Variants in CTTNBP2 observed in about 807,000 individuals in gnomAD.
The protein encoded by CTTNBP2 is cortactin-binding protein 2.
In CTTNBP2, 108 loss-of-function variants were observed where a neutral mutation model predicts 156.9. The ratio of observed to expected loss-of-function variants is 0.69; its 90% CI spans 0.59 to 0.81. The LOEUF (loss-of-function observed/expected upper bound fraction) is 0.81, where lower values mean the gene tolerates loss of function less well. CTTNBP2 is among the 30% of genes least tolerant of loss of function. The probability of loss-of-function intolerance (pLI) is 0.00; values close to 1 mark genes in which losing one functional copy is unlikely to be tolerated. For synonymous variants in CTTNBP2, 767 were observed against 751.8 expected (o/e 1.02, Z -0.33); for missense variants, 1,924 against 2,035.4 (o/e 0.95, Z 1.05).
At chr7:117,794,500 T>C (rs531224632) in intron 3 of CTTNBP2, among the ~76,000 whole-genome samples, 89 of 152,328 alleles carry the variant, frequency 5.8e-4, no homozygotes, top group South Asian at 8.3e-4. Flanking sequence ...CAAATTTTTG[T>C]CATCAATAAC....
At chr7:117,851,267 G>A (rs925107080) in intron 2 of CTTNBP2, among the ~76,000 whole-genome samples, 1 of 151,634 alleles carries the variant, frequency 6.6e-6, no homozygotes, top group Non-Finnish European at 1.5e-5. Context: ...GAAAATAGAG[G>A]GAAAAAAAGA....
intron 3 of CTTNBP2, among the ~76,000 whole-genome samples, chr7:117,802,369 A>G (rs1799668832): frequency 6.6e-6 from 1 of 151,364 alleles, no homozygotes; most frequent in Non-Finnish European, 1.5e-5. Context: ...ATATTTAAAC[A>G]TAACATCTCA....
chr7:117,804,698 C>T (rs1799829292), intron 3 of CTTNBP2, among the ~76,000 whole-genome samples: 1 of 152,178 alleles, frequency 6.6e-6, no homozygotes, highest in African/African-American at 2.4e-5. Flanking sequence ...CATGTTCTCA[C>T]TTATAAGTGG....
chr7:117,851,427 CA>C (rs1004131923), intron 2 of CTTNBP2, among the ~76,000 whole-genome samples: 1 of 152,148 alleles, frequency 6.6e-6, no homozygotes, highest in Non-Finnish European at 1.5e-5. Flanking sequence ...AGCCATCACC[CA>C]GAATTCAGAG....
Position 117,718,134 on chromosome 7 carries a change from A to G in CTTNBP2, c.4645-15T>C. 6.4e-7 allele frequency: 1 copy of G among 1,550,460 alleles called. No individual in the cohort carries two copies. On this transcript the variant is annotated splice_polypyrimidine_tract_variant and intron_variant, in intron 21 of 22. Coordinates refer to ENST00000160373, the MANE Select transcript of CTTNBP2 (RefSeq NM_033427.3). Reference sequence around the variant, plus strand: ...GAATCAGCAATCTAGAAAATACAGAATTTGCCCGGTCATGTCTCCACAGTC... The same window carrying G: ...GAATCAGCAATCTAGAAAATACAGAGTTTGCCCGGTCATGTCTCCACAGTC...
intron 2 of CTTNBP2, among the ~76,000 whole-genome samples, chr7:117,830,818 A>T (rs187181306): frequency 6.6e-6 from 1 of 152,316 alleles, no homozygotes; most frequent in East Asian, 1.9e-4. Context: ...TGGCTGAATT[A>T]ATTGAGGAAG....
intron 3 of CTTNBP2, among the ~76,000 whole-genome samples, chr7:117,801,554 T>C (rs746020049): frequency 6.6e-6 from 1 of 152,188 alleles, no homozygotes; most frequent in Non-Finnish European, 1.5e-5. Context: ...GAAATGAATA[T>C]GTGGATTAGA....
intron 9 of CTTNBP2, among the ~76,000 whole-genome samples, chr7:117,764,740 G>T (rs1359772021): frequency 6.6e-6 from 1 of 152,026 alleles, no homozygotes; most frequent in Admixed American, 6.6e-5. Flanking sequence ...TTTCCTAATA[G>T]ATTTCCATTT....
At chr7:117,762,941 A>G (rs1333177348) in intron 9 of CTTNBP2, among the ~76,000 whole-genome samples, 3 of 152,162 alleles carry the variant, frequency 2.0e-5, no homozygotes, top group African/African-American at 7.2e-5. Context: ...CTCGTGCTAA[A>G]GCTTCTTGAA....
chr7:117,756,602 A>T lies in CTTNBP2; in HGVS notation c.3301T>A (p.Tyr1101Asn). 1 of 1,613,712 alleles carries T rather than the reference A, an allele frequency of 6.2e-7. No individual in the cohort carries two copies. Among genetic ancestry groups the T allele is most frequent in the South Asian group, 1.1e-5 (1 of 91,072 alleles). The change falls in exon 12 of 23, where the codon TAT becomes AAT. Residue 1101 changes from tyrosine (Y) to asparagine (N), a missense_variant. Physicochemically the swap from Tyr to Asn is moderately radical, Grantham distance 143. Transcript: ENST00000160373. Reference sequence around the variant, plus strand: ...ATCTGGAGAGGGATCATGGAGGCATAAGTCACACTACTGAGACAGCCTTCT... The same window carrying T: ...ATCTGGAGAGGGATCATGGAGGCATTAGTCACACTACTGAGACAGCCTTCT... ...PQEGCLSSVTYASMIPLQMMQ... is the reference protein window; with the variant it reads ...PQEGCLSSVTNASMIPLQMMQ...
In CTTNBP2 at chr7:117,710,805, C is replaced by T. The variant is rs1330101070; in HGVS notation, c.*732G>A. On this transcript the variant is annotated 3_prime_UTR_variant, in exon 23 of 23. Coordinates refer to ENST00000160373, the MANE Select transcript of CTTNBP2 (RefSeq NM_033427.3). The stretch of plus-strand genomic sequence containing the variant: ...TGAAGGAGTTAATTCTGAATTTATT[C>T]ATTTATGCAGTTATCTATATCCACT... 1.3e-5 allele frequency: 2 copies of T among 152,468 alleles called. No individual in the cohort carries two copies. The highest frequency in any genetic ancestry group is 2.9e-5 in the Non-Finnish European group (2 of 67,970). 9.4% of individuals were successfully genotyped at this position (152,468 alleles called of 1,614,324 possible).
At chr7:117,821,959 GT>G (rs973331064) in intron 2 of CTTNBP2, among the ~76,000 whole-genome samples, 3 of 152,054 alleles carry the variant, frequency 2.0e-5, no homozygotes, top group Admixed American at 6.6e-5. Flanking sequence ...TACCTTTGCA[GT>G]TTTGGGATTA....
rs77544834 is a variant in CTTNBP2 at position 117,755,629 on chromosome 7, A to G, written c.3348+926T>C. ...GATGTTTTGAAGAATAAATAAAATA[A>G]GTCATAACAGCACTTGGCATATTGC... On this transcript the variant is annotated intron_variant, in intron 12 of 22. Transcript: ENST00000160373. The G allele has an allele frequency of 2.3e-3, 1,053 of 457,624 alleles. 9 individuals are homozygous for G. Among genetic ancestry groups the G allele is most frequent in the African/African-American group, 0.019 (942 of 50,050 alleles). The allele number at this position is 457,624 out of a possible 1,614,324, so 28.3% of individuals were successfully genotyped here. A position where few individuals can be genotyped will look rare whatever the true frequency, so the allele number is the denominator to read the frequency against.
chr7:117,859,570 T>C (rs1233973352), intron 2 of CTTNBP2, among the ~76,000 whole-genome samples: 4 of 152,226 alleles, frequency 2.6e-5, no homozygotes. Flanking sequence ...GCTATACTAC[T>C]GGCCTTCGCA....
chr7:117,728,010 G>T, intron 17 of CTTNBP2, 79 bp downstream of exon 17: 1 of 1,317,970 alleles, frequency 7.6e-7, no homozygotes, highest in Non-Finnish European at 1.1e-6. Context: ...AGGCAGCCTG[G>T]TCAGCATTCT....
At chr7:117,798,564 T>C (rs188336688) in intron 3 of CTTNBP2, among the ~76,000 whole-genome samples, 109 of 152,166 alleles carry the variant, frequency 7.2e-4, no homozygotes, top group African/African-American at 2.5e-3. Flanking sequence ...ATACCAAAAT[T>C]TGTGGGACTC....
At position 117,748,299 on chromosome 7, in the gene CTTNBP2, T is replaced by G. The variant is rs150407937; in HGVS notation, c.3349-2200A>C. Among the ~76,000 whole-genome samples the G allele has an allele frequency of 2.4e-3, 370 of 152,308 alleles. 9 individuals carry two copies. Among genetic ancestry groups the G allele is most frequent in the Admixed American group, 0.021 (314 of 15,298 alleles). On this transcript the variant is annotated intron_variant, in intron 12 of 22. Coordinates refer to ENST00000160373, the MANE Select transcript of CTTNBP2 (RefSeq NM_033427.3). ...AAAAATGCTGCCCAGATATGTCTAG[T>G]TATAGCCTCTTTCTCCTAATCTTAA...
intron 3 of CTTNBP2, among the ~76,000 whole-genome samples, chr7:117,810,077 A>G (rs1800178154): frequency 1.3e-5 from 2 of 152,102 alleles, no homozygotes; most frequent in South Asian, 4.1e-4. Context: ...TACTCTTTGA[A>G]GCAGATACTC....
chr7:117,758,412 GAA>G (rs771309620), intron 10 of CTTNBP2, among the ~76,000 whole-genome samples: 1 of 140,326 alleles, frequency 7.1e-6, no homozygotes. Context: ...TAGATTCCAG[GAA>G]AAAAAAAAAA....
Sources: allele counts gnomAD v4.1 joint callset (sites outside exome capture counted in the v4.1 genomes callset), GRCh38; gene constraint gnomAD v4.1.1; transcripts MANE v1.5; gene names NCBI Gene and HGNC (gene_info 2026-07-23, HGNC 2026-07-21).